SRGAP3: variants seen among roughly 807,000 people sequenced by gnomAD.
The protein encoded by SRGAP3 is SLIT-ROBO Rho GTPase activating protein 3, also known as SLIT-ROBO Rho GTPase-activating protein 3.
SRGAP3 carries 39 observed loss-of-function variants against 121.1 expected under a neutral mutation model. The observed-to-expected ratio is 0.32, with a 90% CI of 0.25 to 0.42. The LOEUF (loss-of-function observed/expected upper bound fraction) is 0.42, where lower values mean the gene tolerates loss of function less well. Ranked by LOEUF, SRGAP3 falls within the 10% of genes least tolerant of loss-of-function variation. The pLI, the probability that SRGAP3 is intolerant of heterozygous loss-of-function variation, is 1.00. For synonymous variants in SRGAP3, 601 were observed against 570.0 expected (o/e 1.05, Z -0.77); for missense variants, 1,213 against 1,470.6 (o/e 0.82, Z 2.86).
chr3:9,248,073 G>A (rs959621809), intron 1 of SRGAP3, among the ~76,000 whole-genome samples: 7 of 152,242 alleles, frequency 4.6e-5, no homozygotes, highest in African/African-American at 1.7e-4. Flanking sequence ...CGGTGGCACA[G>A]AAGGTGCAAC....
rs1283310041 is a variant in SRGAP3, at chr3:8,994,418, G to A, written c.2333C>T (p.Ser778Leu). ...GTGCCGGCCCTCCCACCAGTCCTCC[G>A]AGGCGCGGTGGTACAGGAGCAGCGA... The part of the protein sequence containing the change: ...GASLLLYHRA[S>L]EDWWEGRHNG... The change falls in exon 19 of 22, where the codon TCG (serine) becomes TTG (leucine). Residue 778 changes from serine to leucine, a missense_variant. Physicochemically the swap from Ser to Leu is moderately radical, Grantham distance 145. This residue lies in a region of SRGAP3 where 793 missense variants were observed against 1,032.9 expected (regional missense o/e 0.77). Coordinates refer to ENST00000383836, the MANE Select transcript of SRGAP3 (RefSeq NM_014850.4). 1.2e-5 allele frequency: 20 copies of A among 1,614,092 alleles called. 1 individual carries two copies. The highest frequency in any genetic ancestry group is 2.2e-5 in the East Asian group (1 of 44,904).
intron 1 of SRGAP3, among the ~76,000 whole-genome samples, chr3:9,228,086 T>A (rs568037014): frequency 1.3e-5 from 2 of 152,148 alleles, no homozygotes; most frequent in East Asian, 3.9e-4. Context: ...CTTGGCCTAA[T>A]CCAAAGGTGG....
chr3:9,081,571 T>C (rs1019328923), intron 3 of SRGAP3, among the ~76,000 whole-genome samples: 7 of 152,224 alleles, frequency 4.6e-5, no homozygotes, highest in African/African-American at 1.4e-4. Context: ...AAAAAGCTAA[T>C]TGAACAAAGG....
intron 1 of SRGAP3, among the ~76,000 whole-genome samples, chr3:9,176,110 T>C (rs1951171658): frequency 6.6e-6 from 1 of 151,988 alleles, no homozygotes; most frequent in African/African-American, 2.4e-5. Flanking sequence ...TTAGTAGAGA[T>C]AGGGTTTCGT....
At chr3:9,294,695 C>CGTGTGTGTGTGTGTGTGTGTGT (rs753452580) in intron 3 of SRGAP3, among the ~76,000 whole-genome samples, 13 of 119,886 alleles carry the variant, frequency 1.1e-4, no homozygotes, top group South Asian at 3.2e-4. Context: ...TTGAAGCTTT[C>CGTGTGTGTGTGTGTGTGTGTGT]GTGTGTGTGT....
chr3:9,173,442 A>T (rs967032377), intron 1 of SRGAP3, among the ~76,000 whole-genome samples: 2 of 152,212 alleles, frequency 1.3e-5, no homozygotes, highest in Non-Finnish European at 2.9e-5. Context: ...CATAAAATAA[A>T]ACAGTTCCTG....
At chr3:9,169,444 G>T (rs192082030) in intron 1 of SRGAP3, among the ~76,000 whole-genome samples, 1 of 152,292 alleles carries the variant, frequency 6.6e-6, no homozygotes, top group Admixed American at 6.5e-5. Flanking sequence ...AGAAAAGGTG[G>T]GCGTGGGAGG....
intron 2 of SRGAP3, among the ~76,000 whole-genome samples, chr3:9,119,034 G>C (rs908954540): frequency 6.6e-6 from 1 of 152,170 alleles, no homozygotes; most frequent in East Asian, 1.9e-4. Context: ...CCTGTGAGAG[G>C]TGCTAGGGAC....
chr3:9,136,373 G>A (rs1244466257), intron 1 of SRGAP3, among the ~76,000 whole-genome samples: 1 of 149,146 alleles, frequency 6.7e-6, no homozygotes, highest in Non-Finnish European at 1.5e-5. Context: ...GCGCGCCGTT[G>A]CCACGGCAAC....
intron 3 of SRGAP3, among the ~76,000 whole-genome samples, chr3:9,099,879 C>G (rs1016932007): frequency 1.3e-5 from 2 of 152,164 alleles, no homozygotes; most frequent in African/African-American, 4.8e-5. Context: ...TACTCAAATG[C>G]ACAAAGGGCC....
At chr3:9,043,104 T>C (rs964807681) in intron 10 of SRGAP3, among the ~76,000 whole-genome samples, 12 of 152,120 alleles carry the variant, frequency 7.9e-5, no homozygotes, top group Admixed American at 7.2e-4. Flanking sequence ...TTGTTCTCTA[T>C]CTCAGCCCAA....
rs144063739 is a variant in SRGAP3 at position 9,174,345 on chromosome 3, G to A, written c.68-49428C>T. On this transcript the variant is annotated intron_variant, in intron 1 of 21. Coordinates refer to ENST00000383836, the MANE Select transcript of SRGAP3 (RefSeq NM_014850.4). ...AAATGGTTAAGATGGTACATTTTCT[G>A]CTATGTGTTTTTTATCACAATTAAA... 5.9e-5 allele frequency among the ~76,000 whole-genome samples: 9 copies of A among 152,312 alleles called. No homozygotes were observed. In the East Asian group the frequency reaches 1.5e-3, roughly 26 times the overall value.
intron 3 of SRGAP3, among the ~76,000 whole-genome samples, chr3:9,269,090 C>T (rs1359612705): frequency 1.3e-5 from 2 of 152,148 alleles, no homozygotes; most frequent in African/African-American, 4.8e-5. Flanking sequence ...CAAGTCACTT[C>T]CCCAATCTCT....
chr3:9,272,003 T>C (rs1954486303), intron 3 of SRGAP3, among the ~76,000 whole-genome samples: 1 of 152,232 alleles, frequency 6.6e-6, no homozygotes, highest in South Asian at 2.1e-4. Flanking sequence ...TAAAGTCATA[T>C]GACCTGCCAA....
At chr3:9,247,601 T>C (rs1447073862) in intron 1 of SRGAP3, among the ~76,000 whole-genome samples, 2 of 152,136 alleles carry the variant, frequency 1.3e-5, no homozygotes, top group African/African-American at 4.8e-5. Context: ...GCTCCCTGGG[T>C]CATTGGGTCT....
At chr3:9,032,599 C>T (rs1362905182) in intron 12 of SRGAP3, 51 bp downstream of exon 12, 1 of 1,540,906 alleles carries the variant, frequency 6.5e-7, no homozygotes, top group Non-Finnish European at 8.9e-7. Context: ...CGGACAGAGG[C>T]TGCCATTACA....
At chr3:9,161,563 C>A (rs1229625046) in intron 1 of SRGAP3, among the ~76,000 whole-genome samples, 1 of 152,230 alleles carries the variant, frequency 6.6e-6, no homozygotes, top group Non-Finnish European at 1.5e-5. Flanking sequence ...GGACTGGCTC[C>A]CTTGGGCACT....
chr3:9,359,830 A>G (rs889879491), intron 1 of SRGAP3, among the ~76,000 whole-genome samples: 4 of 152,260 alleles, frequency 2.6e-5, no homozygotes, highest in Non-Finnish European at 1.5e-5. Context: ...CTCTATAGAT[A>G]TAACACACTT....
intron 3 of SRGAP3, among the ~76,000 whole-genome samples, chr3:9,311,036 G>A (rs1955232811): frequency 6.6e-6 from 1 of 151,996 alleles, no homozygotes; most frequent in Non-Finnish European, 1.5e-5. Flanking sequence ...TGGGTGTGGT[G>A]GTGGGTGCCT....
Sources: gnomAD v4.1 joint callset for allele counts (sites outside exome capture counted in the v4.1 genomes callset) on GRCh38, gnomAD v4.1.1 for gene constraint, gnomAD v4.1.1 regional missense constraint, MANE v1.5 for transcripts, NCBI Gene and HGNC (gene_info 2026-07-23, HGNC 2026-07-21) for gene names.